TCF4: variants seen among roughly 807,000 people sequenced by gnomAD.
TCF4 encodes transcription factor 4, also known as SL3-3 enhancer factor 2.
A neutral mutation model predicts 82.1 loss-of-function variants in TCF4; 3 were observed. That is an observed-to-expected ratio of 0.04 (90% CI 0.02 to 0.09). TCF4 has a LOEUF of 0.09. Among genes scored for constraint, TCF4 ranks in the 10% least tolerant of loss-of-function variants. The pLI, the probability that TCF4 is intolerant of heterozygous loss-of-function variation, is 1.00. For synonymous variants in TCF4, 276 were observed against 309.6 expected, an observed-to-expected ratio of 0.89 and a Z score of 1.14; for missense variants, 518 against 852.7, an observed-to-expected ratio of 0.61 and a Z score of 4.89.
chr18:55,507,647 A>C (rs2096777831), intron 3 of TCF4, among the ~76,000 whole-genome samples: 1 of 152,184 alleles, frequency 6.6e-6, no homozygotes, highest in Non-Finnish European at 1.5e-5. Context: ...GCAACTACAC[A>C]TGGGTAGACA....
chr18:55,497,480 A>T (rs1403436751), intron 3 of TCF4, among the ~76,000 whole-genome samples: 1 of 152,200 alleles, frequency 6.6e-6, no homozygotes, highest in Non-Finnish European at 1.5e-5. Context: ...AGTTTTCATT[A>T]TTTCATATTT....
chr18:55,419,098 T>C (rs2094631306), intron 5 of TCF4, among the ~76,000 whole-genome samples: 1 of 152,190 alleles, frequency 6.6e-6, no homozygotes, highest in African/African-American at 2.4e-5. Flanking sequence ...AGTACAGTAA[T>C]TGTCAATGCT....
At chr18:55,404,119 G>T (rs990853886) in intron 5 of TCF4, 1 of 867,696 alleles carries the variant, frequency 1.2e-6, no homozygotes, top group Non-Finnish European at 1.4e-6. Context: ...CTGAACCCAA[G>T]TTCAGATTCC....
intron 3 of TCF4, among the ~76,000 whole-genome samples, chr18:55,572,322 T>C (rs1392024586): frequency 6.6e-6 from 1 of 152,158 alleles, no homozygotes; most frequent in African/African-American, 2.4e-5. Context: ...AGAATAATAG[T>C]GAAAGAATGG....
chr18:55,453,240 A>ACC lies in TCF4; in HGVS notation c.304+7777_304+7778dup, dbSNP rs34324781. Among the ~76,000 whole-genome samples the ACC allele has an allele frequency of 5.3e-3, 804 of 152,090 alleles. 4 individuals are homozygous for ACC. Among genetic ancestry groups the ACC allele is most frequent in the African/African-American group, 0.018 (732 of 41,454 alleles). On this transcript the variant is annotated intron_variant, in intron 5 of 19. Coordinates refer to ENST00000354452, the MANE Select transcript of TCF4 (RefSeq NM_001083962.2). ...CCTGAACTTGACACAAGAAGCTGTG[A>ACC]CCCCCATCTTTAGACAATGAGGGGA...
intron 8 of TCF4, among the ~76,000 whole-genome samples, chr18:55,322,646 C>A (rs2075903853): frequency 6.6e-6 from 1 of 152,210 alleles, no homozygotes; most frequent in Non-Finnish European, 1.5e-5. Flanking sequence ...CCGCCGCAGA[C>A]AGCCGCATGG....
intron 3 of TCF4, among the ~76,000 whole-genome samples, chr18:55,528,921 T>C (rs1012650552): frequency 1.1e-4 from 17 of 152,318 alleles, no homozygotes; most frequent in East Asian, 1.9e-4. Context: ...CTCATGCCTA[T>C]AATCCCAGTA....
chr18:55,475,796 G>A (rs562507272), intron 3 of TCF4, among the ~76,000 whole-genome samples: 6 of 152,242 alleles, frequency 3.9e-5, no homozygotes, highest in South Asian at 2.1e-4. Flanking sequence ...TTCTTCAATC[G>A]TTGATCATCT....
At chr18:55,309,915 A>G (rs1232711586) in intron 8 of TCF4, among the ~76,000 whole-genome samples, 1 of 152,246 alleles carries the variant, frequency 6.6e-6, no homozygotes, top group Non-Finnish European at 1.5e-5. Flanking sequence ...ATGATTTAAA[A>G]AAATTACCAT....
At chr18:55,270,085 T>G (rs2060022939) in intron 10 of TCF4, 122 bp from the exon 11 acceptor site, 4 of 1,217,990 alleles carry the variant, frequency 3.3e-6, no homozygotes, top group Admixed American at 3.5e-5. Context: ...AATTTCAAAA[T>G]AGCCAAGAAT....
intron 5 of TCF4, among the ~76,000 whole-genome samples, chr18:55,414,305 G>A (rs1165321279): frequency 2.6e-5 from 4 of 151,090 alleles, no homozygotes; most frequent in East Asian, 1.9e-4. Context: ...TTGCAAAGGG[G>A]AAAAACTGAA....
intron 3 of TCF4, chr18:55,550,617 TA>T (rs1029963482): frequency 1.3e-5 from 2 of 152,232 alleles, no homozygotes; most frequent in African/African-American, 4.8e-5. Flanking sequence ...GTTATATAAA[TA>T]ATGAAAATTA....
At chr18:55,411,730 T>C (rs894870948) in intron 5 of TCF4, among the ~76,000 whole-genome samples, 4 of 152,088 alleles carry the variant, frequency 2.6e-5, no homozygotes, top group Non-Finnish European at 4.4e-5. Flanking sequence ...TGGCATTCTC[T>C]CTTTTTATTT....
intron 2 of TCF4, among the ~76,000 whole-genome samples, chr18:55,616,451 C>A (rs1279578331): frequency 6.6e-6 from 1 of 151,928 alleles, no homozygotes; most frequent in Non-Finnish European, 1.5e-5. Flanking sequence ...AATTTGAGAT[C>A]CTGATTTCAG....
intron 5 of TCF4, among the ~76,000 whole-genome samples, chr18:55,445,515 C>G (rs1187247673): frequency 1.3e-5 from 2 of 152,084 alleles, no homozygotes; most frequent in Non-Finnish European, 2.9e-5. Flanking sequence ...ACCATCAGAT[C>G]TCGTGAGATG....
chr18:55,543,209 T>C (rs1347018774), intron 3 of TCF4, among the ~76,000 whole-genome samples: 1 of 152,092 alleles, frequency 6.6e-6, no homozygotes, highest in Non-Finnish European at 1.5e-5. Flanking sequence ...GAACCTAGTC[T>C]GGATCCTACT....
chr18:55,423,841 C>T (rs915761935), intron 5 of TCF4, among the ~76,000 whole-genome samples: 26 of 152,106 alleles, frequency 1.7e-4, no homozygotes, highest in Non-Finnish European at 3.7e-4. Flanking sequence ...TCTTCATAAT[C>T]GCCCTGTCTT....
chr18:55,396,941 G>C (rs2093532591), intron 6 of TCF4, among the ~76,000 whole-genome samples: 1 of 152,184 alleles, frequency 6.6e-6, no homozygotes, highest in Non-Finnish European at 1.5e-5. Flanking sequence ...AAATGTGGAA[G>C]GAATGATGGA....
intron 3 of TCF4, among the ~76,000 whole-genome samples, chr18:55,470,899 C>T (rs909516553): frequency 4.6e-5 from 7 of 152,174 alleles, no homozygotes; most frequent in Admixed American, 3.9e-4. Flanking sequence ...GAAGTCTACA[C>T]TGCCTCAAAA....
Sources: gnomAD v4.1 joint callset for allele counts (sites outside exome capture counted in the v4.1 genomes callset) on GRCh38, gnomAD v4.1.1 for gene constraint, MANE v1.5 for transcripts, NCBI Gene and HGNC (gene_info 2026-07-23, HGNC 2026-07-21) for gene names.